The following BCAT1 variants were observed in gnomAD, a reference collection of about 807,000 sequenced individuals.
BCAT1 encodes branched-chain-amino-acid aminotransferase, cytosolic.
A neutral mutation model predicts 52.4 loss-of-function variants in BCAT1; 48 were observed. The observed-to-expected ratio is 0.92, with a 90% CI of 0.73 to 1.16. The LOEUF (loss-of-function observed/expected upper bound fraction) is 1.16. BCAT1 is among the 50% of genes most tolerant of loss of function. BCAT1 has a pLI of 0.00. For synonymous variants in BCAT1, 167 were observed against 161.3 expected (o/e 1.04, Z -0.27); for missense variants, 451 against 457.1 (o/e 0.99, Z 0.12).
chr12:24,878,705 T>C, intron 4 of BCAT1, 56 bp from the exon 5 acceptor site: 1 of 1,494,392 alleles, frequency 6.7e-7, no homozygotes, highest in Admixed American at 2.1e-5. Context: ...GTGGCAATAA[T>C]AAATGATCCT....
chr12:24,861,147 C>T (rs1289014860), intron 5 of BCAT1, among the ~76,000 whole-genome samples: 3 of 152,134 alleles, frequency 2.0e-5, no homozygotes, highest in Non-Finnish European at 2.9e-5. Context: ...TTCATTGTTT[C>T]GAGTTTTTTC....
Position 24,817,552 on chromosome 12 carries a change from A to G in BCAT1, c.*456T>C, listed in dbSNP as rs1477570141. ...TCCAGTTTTAAAAGTCTTGATTTAA[A>G]AAAAAGAAAACACTTTCTGTGGATA... On this transcript the variant is annotated 3_prime_UTR_variant, in exon 11 of 11. Transcript: ENST00000261192. 1.3e-5 allele frequency: 2 copies of G among 156,542 alleles called. No individual in the cohort carries two copies. Among genetic ancestry groups the G allele is most frequent in the African/African-American group, 4.8e-5 (2 of 41,490 alleles). The allele number at this position is 156,542 out of a possible 1,614,324, so 9.7% of individuals were successfully genotyped here. A position where few individuals can be genotyped will look rare whatever the true frequency, so the allele number is the denominator to read the frequency against.
intron 1 of BCAT1, among the ~76,000 whole-genome samples, chr12:24,906,051 C>T (rs373138490): frequency 9.3e-5 from 14 of 151,326 alleles, no homozygotes; most frequent in East Asian, 5.8e-4. Flanking sequence ...TAGCCGGGCT[C>T]GGTGGCATGT....
At chr12:24,822,931 G>T (rs1329499747) in intron 10 of BCAT1, among the ~76,000 whole-genome samples, 1 of 152,060 alleles carries the variant, frequency 6.6e-6, no homozygotes, top group South Asian at 2.1e-4. Context: ...TAAAGTTAGG[G>T]AGAAAAGGTT....
chr12:24,843,109 C>T lies in BCAT1; in HGVS notation c.675-885G>A, dbSNP rs763311179. ...CAGGGATCGGGAATAAACTCTAGTC[C>T]TCCTGTTGCACCATGAAATCCCCAG... On this transcript the variant is annotated intron_variant, in intron 6 of 10. Transcript: ENST00000261192. 2.6e-5 allele frequency among the ~76,000 whole-genome samples: 4 copies of T among 152,118 alleles called. No individual in the cohort carries two copies. The East Asian group carries it at 5.8e-4, about 22-fold the overall frequency.
intron 6 of BCAT1, among the ~76,000 whole-genome samples, chr12:24,849,572 C>T (rs979630814): frequency 1.3e-5 from 2 of 152,182 alleles, no homozygotes; most frequent in Non-Finnish European, 1.5e-5. Context: ...TAAACTAGCA[C>T]ATCTAAAAGC....
chr12:24,937,112 A>G (rs949958384), intron 1 of BCAT1, among the ~76,000 whole-genome samples: 4 of 152,182 alleles, frequency 2.6e-5, no homozygotes, highest in Non-Finnish European at 5.9e-5. Flanking sequence ...TCAGATATCA[A>G]TCCCAAAGTC....
At chr12:24,853,930 T>C (rs11830394) in intron 5 of BCAT1, among the ~76,000 whole-genome samples, 3,918 of 152,316 alleles carry the variant, frequency 0.026, 145 homozygotes, top group African/African-American at 0.09. Context: ...AAATGCAGCA[T>C]ATTTAACTTC....
At chr12:24,900,923 C>T (rs1943086787) in intron 2 of BCAT1, among the ~76,000 whole-genome samples, 1 of 152,038 alleles carries the variant, frequency 6.6e-6, no homozygotes, top group Non-Finnish European at 1.5e-5. Context: ...AGAGCGAGAC[C>T]CTGTCTCAAA....
Position 24,881,220 on chromosome 12 carries a change from T to C in BCAT1, c.390+81A>G. The C allele has an allele frequency of 3.1e-6, 3 of 983,122 alleles. No homozygotes were observed. In the South Asian group the frequency reaches 4.5e-5, roughly 15 times the overall value. 60.9% of individuals were successfully genotyped at this position (983,122 alleles called of 1,614,324 possible). A position where few individuals can be genotyped will look rare whatever the true frequency, so the allele number is the denominator to read the frequency against. On this transcript the variant is annotated intron_variant, in intron 4 of 10. Coordinates refer to ENST00000261192, the MANE Select transcript of BCAT1 (RefSeq NM_005504.7). ...TTGTACTGAATATTTATCTAACTAT[T>C]CAGAAATTATTTATTTGGTGGTCAA...
In BCAT1 at chr12:24,813,776, T is replaced by C. The variant is rs1182235422; in HGVS notation, c.*4232A>G. ...CTTTAAAAATGAGATAAACTATTCA[T>C]TGATTTCTTGATAAGAGATGTGTTC... is the stretch of plus-strand genomic sequence containing the variant. On this transcript the variant is annotated 3_prime_UTR_variant, in exon 11 of 11. Transcript: ENST00000261192. The C allele has an allele frequency of 1.3e-5, 2 of 152,050 alleles. No homozygotes were observed. The highest frequency in any genetic ancestry group is 2.4e-5 in the African/African-American group (1 of 41,430). The allele number at this position is 152,050 out of a possible 1,614,324, so 9.4% of individuals were successfully genotyped here. A position where few individuals can be genotyped will look rare whatever the true frequency, so the allele number is the denominator to read the frequency against.
intron 1 of BCAT1, among the ~76,000 whole-genome samples, chr12:24,905,303 G>A (rs182624984): frequency 6.6e-6 from 1 of 152,336 alleles, no homozygotes; most frequent in African/African-American, 2.4e-5. Context: ...TTACCAGGCA[G>A]ATATAAAAAC....
chr12:24,918,404 A>C (rs1408057108), intron 1 of BCAT1, among the ~76,000 whole-genome samples: 3 of 152,102 alleles, frequency 2.0e-5, no homozygotes, highest in Non-Finnish European at 2.9e-5. Flanking sequence ...ATTTTTAGGA[A>C]TCTCATACAA....
intron 8 of BCAT1, among the ~76,000 whole-genome samples, chr12:24,833,472 T>A (rs1940776554): frequency 6.6e-6 from 1 of 152,022 alleles, no homozygotes. Flanking sequence ...TGAACCAAGA[T>A]CACGTCACTG....
At chr12:24,876,553 A>G (rs999429783) in intron 5 of BCAT1, among the ~76,000 whole-genome samples, 1 of 152,220 alleles carries the variant, frequency 6.6e-6, no homozygotes, top group African/African-American at 2.4e-5. Context: ...ATTCATGACA[A>G]AAACTCTCAA....
intron 1 of BCAT1, chr12:24,903,058 C>T: frequency 7.2e-7 from 1 of 1,393,644 alleles, no homozygotes; most frequent in South Asian, 1.6e-5. Flanking sequence ...GAAGCGAAAG[C>T]AGGCGGTGTG....
At chr12:24,943,095 T>C (rs895874352) in intron 1 of BCAT1, among the ~76,000 whole-genome samples, 1 of 152,224 alleles carries the variant, frequency 6.6e-6, no homozygotes, top group African/African-American at 2.4e-5. Context: ...TTCCATGCTA[T>C]ATGCACTCTA....
At position 24,829,898 on chromosome 12, in the gene BCAT1, C is replaced by A; in HGVS notation, c.1045-1G>T. On this transcript the variant is annotated splice_acceptor_variant, in intron 9 of 10. Coordinates refer to ENST00000261192, the MANE Select transcript of BCAT1 (RefSeq NM_005504.7). LOFTEE classifies it high-confidence loss of function. ...TCTCCATAGTTGGAATGTGTATTGT[C>A]TACAAAAGAAAGGGAAATGAGATAA... The A allele has an allele frequency of 6.2e-7, 1 of 1,602,466 alleles. No homozygotes were observed. Among genetic ancestry groups the A allele is most frequent in the South Asian group, 1.1e-5 (1 of 88,738 alleles).
chr12:24,824,023 T>C (rs1293811697), intron 10 of BCAT1, among the ~76,000 whole-genome samples: 1 of 152,206 alleles, frequency 6.6e-6, no homozygotes, highest in East Asian at 1.9e-4. Context: ...TGAATGCACA[T>C]ATTTTGTCAC....
Sources: gnomAD v4.1 joint callset for allele counts (sites outside exome capture counted in the v4.1 genomes callset) on GRCh38, gnomAD v4.1.1 for gene constraint, MANE v1.5 for transcripts, NCBI Gene and HGNC (gene_info 2026-07-23, HGNC 2026-07-21) for gene names.